RMC1: variants seen among roughly 807,000 people sequenced by gnomAD.
RMC1 encodes regulator of MON1-CCZ1.
RMC1 carries 44 observed loss-of-function variants against 95.5 expected under a neutral mutation model. That is an observed-to-expected ratio of 0.46 (90% CI 0.36 to 0.59). The LOEUF is 0.59. Among genes scored for constraint, RMC1 ranks in the 20% least tolerant of loss-of-function variants. RMC1 has a pLI of 0.00. For missense variants in RMC1, 705 were observed against 819.6 expected (o/e 0.86, Z 1.71); for synonymous variants, 320 against 303.6 (o/e 1.05, Z -0.56).
At position 23,503,736 on chromosome 18, in the gene RMC1, G is replaced by T. The variant is rs1438180804; in HGVS notation, c.102+16G>T. On this transcript the variant is annotated intron_variant, in intron 1 of 19. Coordinates refer to ENST00000269221, the MANE Select transcript of RMC1 (RefSeq NM_013326.5). ...CAACAAGCAGGTCCGGCGCGCCCGC[G>T]CTTCCTCCCCCGCGCGGCCCTGCCG... 2 of 1,579,284 alleles carry T rather than the reference G, an allele frequency of 1.3e-6. No individual in the cohort carries two copies. The highest frequency in any genetic ancestry group is 1.7e-4 in the Middle Eastern group (1 of 5,934).
At chr18:23,526,860 G>C in intron 13 of RMC1, 95 bp downstream of exon 13, 1 of 1,489,130 alleles carries the variant, frequency 6.7e-7, no homozygotes, top group Non-Finnish European at 9.0e-7. Flanking sequence ...GTTGTGTCTT[G>C]TCTGTGACCC....
chr18:23,512,564 G>T (rs955218985), intron 5 of RMC1, among the ~76,000 whole-genome samples: 2 of 151,730 alleles, frequency 1.3e-5, no homozygotes, highest in African/African-American at 4.8e-5. Flanking sequence ...GGAACTACAG[G>T]TGTGTGCCAG....
At chr18:23,516,204 G>A (rs901018960) in intron 6 of RMC1, 116 bp from the exon 7 acceptor site, 30 of 1,370,260 alleles carry the variant, frequency 2.2e-5, no homozygotes, top group Middle Eastern at 1.9e-4. Context: ...CATGGGGGAC[G>A]GTGGAAAGGA....
intron 14 of RMC1, 39 bp downstream of exon 14, chr18:23,527,940 C>A (rs766090870): frequency 8.2e-6 from 12 of 1,462,906 alleles, no homozygotes; most frequent in Non-Finnish European, 1.1e-5. Context: ...CCTCCTCCCC[C>A]ACCCCCTCCC....
At chr18:23,521,205 T>C (rs893125171) in intron 10 of RMC1, among the ~76,000 whole-genome samples, 3 of 152,146 alleles carry the variant, frequency 2.0e-5, no homozygotes, top group African/African-American at 7.2e-5. Flanking sequence ...TAAGCTAAAA[T>C]TATGTTGTGA....
At chr18:23,506,230 CTG>C (rs1007954702) in intron 2 of RMC1, 3 of 150,908 alleles carry the variant, frequency 2.0e-5, no homozygotes, top group African/African-American at 7.3e-5. Flanking sequence ...ACATAATAAA[CTG>C]TACACACTTA....
At chr18:23,527,172 C>T (rs2058322419) in intron 13 of RMC1, among the ~76,000 whole-genome samples, 3 of 139,042 alleles carry the variant, frequency 2.2e-5, no homozygotes, top group African/African-American at 8.2e-5. Context: ...TTGCCTGAGC[C>T]TAGGAGTTCG....
chr18:23,512,125 A>G (rs1346670204), intron 5 of RMC1, among the ~76,000 whole-genome samples: 6 of 150,414 alleles, frequency 4.0e-5, no homozygotes, highest in African/African-American at 1.2e-4. Flanking sequence ...GGTTCAAGCA[A>G]TTCTCCTGCC....
chr18:23,526,186 T>C (rs2058293211), intron 12 of RMC1, among the ~76,000 whole-genome samples: 1 of 152,232 alleles, frequency 6.6e-6, no homozygotes, highest in South Asian at 2.1e-4. Flanking sequence ...GGATGAGTTA[T>C]GATGTTCCAT....
intron 2 of RMC1, chr18:23,504,656 G>A (rs543653026): frequency 2.2e-6 from 1 of 463,668 alleles, no homozygotes; most frequent in Non-Finnish European, 3.9e-6. Context: ...CAGTTGATTT[G>A]GGAGCCAAAT....
At chr18:23,527,489 A>G (rs902072540) in intron 13 of RMC1, among the ~76,000 whole-genome samples, 1 of 151,358 alleles carries the variant, frequency 6.6e-6, no homozygotes, top group Non-Finnish European at 1.5e-5. Context: ...CTTGTTGCCC[A>G]GGCTGGTCTC....
Position 23,527,887 on chromosome 18 carries a change from CAG to C in RMC1, c.1285_1286del (p.Ser429LeufsTer48). 1.9e-6 allele frequency: 3 copies of C among 1,613,642 alleles called. No homozygotes were observed. Among genetic ancestry groups the C allele is most frequent in the Non-Finnish European group, 1.7e-6 (2 of 1,179,742 alleles). Reference protein sequence around the residue: ...HEYKKYLDAEQSYAMAVEAGQ... With the variant: ...HEYKKYLDAEXSYAMAVEAGQ... ...GTATAAAAAGTACCTGGATGCCGAG[CAG>C]AGTTATGCGATGGTGAGTTACATGG... is the stretch of plus-strand genomic sequence containing the variant. On this transcript the variant is annotated frameshift_variant, in exon 14 of 20. Transcript: ENST00000269221. LOFTEE classifies it high-confidence loss of function.
Position 23,508,074 on chromosome 18 carries a change from G to A in RMC1, c.321+33G>A, listed in dbSNP as rs750982183. ...CCCAGGCCCTTTCTCAGCTGCTGGT[G>A]TCAGTGGTGTTGAGCTGGGTTATGT... On this transcript the variant is annotated intron_variant, in intron 4 of 19. Transcript: ENST00000269221. The A allele has an allele frequency of 9.5e-6, 15 of 1,587,188 alleles. No individual in the cohort carries two copies. The Admixed American group carries it at 2.7e-4, about 28-fold the overall frequency.
chr18:23,529,070 G>A (rs993074739), intron 14 of RMC1, 109 bp from the exon 15 acceptor site: 49 of 1,487,456 alleles, frequency 3.3e-5, no homozygotes, highest in Middle Eastern at 1.8e-4. Context: ...AGTGTTTTCC[G>A]CTCATATCCT....
At chr18:23,511,388 C>T (rs1163225528) in intron 5 of RMC1, among the ~76,000 whole-genome samples, 3 of 152,152 alleles carry the variant, frequency 2.0e-5, no homozygotes, top group South Asian at 4.1e-4. Flanking sequence ...GACTTAATAC[C>T]TGGGTGATGA....
At chr18:23,526,567 G>C in intron 12 of RMC1, 70 bp from the exon 13 acceptor site, 3 of 1,574,032 alleles carry the variant, frequency 1.9e-6, no homozygotes, top group Non-Finnish European at 2.6e-6. Flanking sequence ...CAGATGTTTA[G>C]GGGAACCACT....
intron 1 of RMC1, among the ~76,000 whole-genome samples, chr18:23,504,131 C>T (rs1466505885): frequency 2.0e-5 from 3 of 152,196 alleles, no homozygotes; most frequent in Non-Finnish European, 4.4e-5. Flanking sequence ...ATGCGCGAAC[C>T]GGTGTTAGAA....
intron 14 of RMC1, 181 bp from the exon 15 acceptor site, chr18:23,528,998 G>C (rs2058395582): frequency 2.1e-6 from 2 of 948,226 alleles, no homozygotes; most frequent in East Asian, 3.0e-5. Context: ...TCCTGCCTCA[G>C]CCTCCTGAGT....
intron 16 of RMC1, 154 bp from the exon 17 acceptor site, chr18:23,529,874 G>A: frequency 9.6e-7 from 1 of 1,038,392 alleles, no homozygotes; most frequent in Admixed American, 2.1e-5. Context: ...GAAGTGTAAG[G>A]TCAAGTTGGG....
Sources: gnomAD v4.1 joint callset for allele counts (sites outside exome capture counted in the v4.1 genomes callset) on GRCh38, gnomAD v4.1.1 for gene constraint, MANE v1.5 for transcripts, NCBI Gene and HGNC (gene_info 2026-07-23, HGNC 2026-07-21) for gene names.